The following PTPRG variants were observed in gnomAD, a reference collection of about 807,000 sequenced individuals.
PTPRG encodes the protein protein tyrosine phosphatase receptor type G.
In PTPRG, 102 loss-of-function variants were observed where a neutral mutation model predicts 165.3. The observed-to-expected ratio is 0.62, with a 90% confidence interval of 0.53 to 0.73. The LOEUF is 0.73. PTPRG is among the 30% of genes least tolerant of loss of function. PTPRG has a pLI of 0.00. For synonymous variants in PTPRG, 675 were observed against 669.5 expected (o/e 1.01, Z -0.13); for missense variants, 1,866 against 1,861.4 (o/e 1.00, Z -0.05).
Position 61,615,112 on chromosome 3 carries a change from T to C in PTPRG, c.85+52740T>C, listed in dbSNP as rs1387635555. On this transcript the variant is annotated intron_variant, in intron 1 of 29. Coordinates refer to ENST00000474889, the MANE Select transcript of PTPRG (RefSeq NM_002841.4). ...CCTGTCCCCTCTGGACACTTGAATG[T>C]GTATTTCCTACAAACAAGAACAGTC... 3.3e-5 allele frequency among the ~76,000 whole-genome samples: 5 copies of C among 152,266 alleles called. 1 individual carries two copies.
intron 2 of PTPRG, among the ~76,000 whole-genome samples, chr3:61,919,079 G>C (rs1474020073): frequency 6.6e-6 from 1 of 152,122 alleles, no homozygotes; most frequent in Non-Finnish European, 1.5e-5. Context: ...CCCAAAAGTC[G>C]GGGCATTGAT....
chr3:61,567,442 C>T (rs939990920), intron 1 of PTPRG, among the ~76,000 whole-genome samples: 12 of 151,998 alleles, frequency 7.9e-5, no homozygotes, highest in Non-Finnish European at 1.3e-4. Context: ...CTTTGGGAGG[C>T]GGGAGGGTCA....
At chr3:61,624,981 T>C (rs1035565838) in intron 1 of PTPRG, among the ~76,000 whole-genome samples, 1 of 152,112 alleles carries the variant, frequency 6.6e-6, no homozygotes, top group Non-Finnish European at 1.5e-5. Context: ...GGGATGGATC[T>C]GTCCAACTTT....
chr3:62,201,223 A>G (rs75683711), intron 10 of PTPRG, among the ~76,000 whole-genome samples: 2,332 of 152,334 alleles, frequency 0.015, 58 homozygotes, highest in African/African-American at 0.054. Flanking sequence ...TTACCTCAAT[A>G]AAACAGAAAA....
At chr3:62,135,317 C>G (rs568703721) in intron 6 of PTPRG, among the ~76,000 whole-genome samples, 1 of 150,570 alleles carries the variant, frequency 6.6e-6, no homozygotes, top group Non-Finnish European at 1.5e-5. Flanking sequence ...TTTGTTGGAA[C>G]TAGAAGCATT....
intron 1 of PTPRG, among the ~76,000 whole-genome samples, chr3:61,663,564 G>T (rs1490861488): frequency 6.6e-6 from 1 of 151,864 alleles, no homozygotes; most frequent in Admixed American, 6.6e-5. Context: ...GGGGTTGGGG[G>T]GATGGTTTTG....
chr3:61,944,465 C>T (rs1359312785), intron 2 of PTPRG, among the ~76,000 whole-genome samples: 1 of 152,160 alleles, frequency 6.6e-6, no homozygotes, highest in Non-Finnish European at 1.5e-5. Flanking sequence ...AGCTCACAGT[C>T]AGCTGGCTGC....
At chr3:61,915,357 C>T (rs1029057091) in intron 2 of PTPRG, among the ~76,000 whole-genome samples, 1 of 152,160 alleles carries the variant, frequency 6.6e-6, no homozygotes, top group Non-Finnish European at 1.5e-5. Flanking sequence ...TGTTTCTCCC[C>T]CTATTTTCCT....
intron 2 of PTPRG, among the ~76,000 whole-genome samples, chr3:61,875,526 A>T (rs1460948560): frequency 6.6e-6 from 1 of 152,204 alleles, no homozygotes; most frequent in Non-Finnish European, 1.5e-5. Flanking sequence ...GCGGCTTGAA[A>T]GAGATGTTTG....
chr3:62,257,037 A>G (rs1576184331), intron 16 of PTPRG, among the ~76,000 whole-genome samples: 1 of 151,208 alleles, frequency 6.6e-6, no homozygotes, highest in Non-Finnish European at 1.5e-5. Flanking sequence ...AGGAAGGTGA[A>G]AGGGCTGTTG....
intron 1 of PTPRG, among the ~76,000 whole-genome samples, chr3:61,731,539 G>A (rs1397100650): frequency 6.6e-6 from 1 of 151,960 alleles, no homozygotes; most frequent in Non-Finnish European, 1.5e-5. Context: ...AGTAGAGACA[G>A]GGTTTCACCA....
At position 62,218,844 on chromosome 3, in the gene PTPRG, T is replaced by C. The variant is rs1700578159; in HGVS notation, c.2156-7T>C. 6.2e-7 allele frequency: 1 copy of C among 1,611,590 alleles called. No individual in the cohort carries two copies. The highest frequency in any genetic ancestry group is 8.5e-7 in the Non-Finnish European group (1 of 1,178,858). ...TGTCCTCTAACTGGGATGATTTCTC[T>C]TGGCAGCGGAAAAAAACACCTCTGG... On this transcript the variant is annotated splice_region_variant and splice_polypyrimidine_tract_variant and intron_variant, in intron 12 of 29. Transcript: ENST00000474889.
intron 2 of PTPRG, among the ~76,000 whole-genome samples, chr3:61,931,358 T>C (rs1260234174): frequency 1.3e-5 from 2 of 152,256 alleles, no homozygotes; most frequent in Admixed American, 6.5e-5. Context: ...TCTGGAATCC[T>C]GCTTGATGAT....
intron 4 of PTPRG, among the ~76,000 whole-genome samples, chr3:62,070,693 A>T (rs929325126): frequency 5.9e-5 from 9 of 152,218 alleles, no homozygotes; most frequent in African/African-American, 1.4e-4. Context: ...CTTATTTTAC[A>T]AAATGCTTAA....
At position 62,061,882 on chromosome 3, in the gene PTPRG, G is replaced by A. The variant is rs368411253; in HGVS notation, c.520-16281G>A. ...TGACGTCGGGTGATCTGCCTACTTC[G>A]GCCTCCCAAAGTGTTAGGATTACAG... On this transcript the variant is annotated intron_variant, in intron 4 of 29. Transcript: ENST00000474889. 1.2e-4 allele frequency among the ~76,000 whole-genome samples: 18 copies of A among 151,712 alleles called. No individual in the cohort carries two copies. In the East Asian group the frequency reaches 2.0e-3, roughly 17 times the overall value.
rs1294243997 is a variant in PTPRG, at chr3:62,154,158, GC to G, written c.683-2908del. On this transcript the variant is annotated intron_variant, in intron 6 of 29. Coordinates refer to ENST00000474889, the MANE Select transcript of PTPRG (RefSeq NM_002841.4). ...AGGGCTGACTTAACTTATTTGAGTTGCTGGGGTCTTGAGCAAGATTTTGTTT... is the reference window on the plus strand; with the variant it reads ...AGGGCTGACTTAACTTATTTGAGTTGTGGGGTCTTGAGCAAGATTTTGTTT... 3.5e-4 allele frequency among the ~76,000 whole-genome samples: 54 copies of G among 152,178 alleles called. 2 individuals are homozygous for G. Among genetic ancestry groups the G allele is most frequent in the Admixed American group, 3.5e-3 (54 of 15,288 alleles).
chr3:61,605,366 C>T (rs1700973263), intron 1 of PTPRG, among the ~76,000 whole-genome samples: 1 of 151,932 alleles, frequency 6.6e-6, no homozygotes, highest in Admixed American at 6.5e-5. Context: ...AGTGATTCTC[C>T]TGCCTCAGCC....
chr3:61,955,394 A>G (rs1317902932), intron 2 of PTPRG, among the ~76,000 whole-genome samples: 1 of 152,214 alleles, frequency 6.6e-6, no homozygotes, highest in African/African-American at 2.4e-5. Context: ...GGTAATGTTT[A>G]AATAGTTTTT....
chr3:61,681,691 G>A (rs1703446305), intron 1 of PTPRG, among the ~76,000 whole-genome samples: 3 of 152,158 alleles, frequency 2.0e-5, no homozygotes, highest in Admixed American at 1.3e-4. Context: ...TACATGTAAA[G>A]TATTTGATAT....
Sources: gnomAD v4.1 joint callset for allele counts (sites outside exome capture counted in the v4.1 genomes callset) on GRCh38, gnomAD v4.1.1 for gene constraint, MANE v1.5 for transcripts, NCBI Gene and HGNC (gene_info 2026-07-23, HGNC 2026-07-21) for gene names.